LPAR1: variants seen among roughly 807,000 people sequenced by gnomAD.
LPAR1 encodes the protein lysophosphatidic acid receptor 1, also known as LPA receptor 1.
Under a neutral mutation model 23.8 loss-of-function variants are expected in LPAR1, and 5 were observed. The observed-to-expected ratio is 0.21, with a 90% confidence interval of 0.11 to 0.44. The LOEUF (loss-of-function observed/expected upper bound fraction) is 0.44, where lower values mean the gene tolerates loss of function less well. Among genes scored for constraint, LPAR1 ranks in the 20% least tolerant of loss-of-function variants. LPAR1 has a pLI of 0.99. For synonymous variants in LPAR1, 160 were observed against 164.7 expected (o/e 0.97, Z 0.22); for missense variants, 311 against 482.8 (o/e 0.64, Z 3.33).
At position 111,013,424 on chromosome 9, in the gene LPAR1, C is replaced by CTCCTTCCTG. The variant is rs2097373065; in HGVS notation, c.-182+22689_-182+22697dup. Among the ~76,000 whole-genome samples, 3 of 152,170 alleles carry CTCCTTCCTG rather than the reference C, an allele frequency of 2.0e-5. No individual in the cohort carries two copies. In the South Asian group the frequency reaches 6.2e-4, roughly 32 times the overall value. On this transcript the variant is annotated intron_variant, in intron 2 of 5. Transcript: ENST00000683809. ...GTTACCTTAAAAAGAACTTAAGTAACTCCTTCCTGTCCTAATTGCCCATTA... is the reference window on the plus strand; with the variant it reads ...GTTACCTTAAAAAGAACTTAAGTAACTCCTTCCTGTCCTTCCTGTCCTAATTGCCCATTA...
chr9:110,987,819 G>A (rs1014495709), intron 2 of LPAR1, among the ~76,000 whole-genome samples: 3 of 151,962 alleles, frequency 2.0e-5, no homozygotes, highest in Middle Eastern at 6.8e-3. Flanking sequence ...CACGTAACTG[G>A]AGTCCCCAAA....
chr9:110,874,150 A>G lies in LPAR1; in HGVS notation c.*1271T>C, dbSNP rs1276240506. Reference sequence around the variant, plus strand: ...TCCTTCATGGGAATATATCCTAATAATCAATTATATGGAGACAGTTTTATG... The same window carrying G: ...TCCTTCATGGGAATATATCCTAATAGTCAATTATATGGAGACAGTTTTATG... On this transcript the variant is annotated 3_prime_UTR_variant, in exon 6 of 6. Transcript: ENST00000683809. 2 of 152,648 alleles carry G rather than the reference A, an allele frequency of 1.3e-5. No individual in the cohort carries two copies. Among genetic ancestry groups the G allele is most frequent in the Non-Finnish European group, 2.9e-5 (2 of 68,048 alleles). 9.5% of individuals were successfully genotyped at this position (152,648 alleles called of 1,614,324 possible).
At chr9:111,014,272 T>C (rs62570358) in intron 2 of LPAR1, among the ~76,000 whole-genome samples, 18,068 of 152,138 alleles carry the variant, frequency 0.12, 1,135 homozygotes, top group Middle Eastern at 0.14. Flanking sequence ...AAGCTGTCAC[T>C]ATTAATGAAT....
intron 4 of LPAR1, among the ~76,000 whole-genome samples, chr9:110,966,368 A>T (rs1038019534): frequency 2.0e-5 from 3 of 151,932 alleles, no homozygotes; most frequent in African/African-American, 7.2e-5. Flanking sequence ...AGTCCCAGCT[A>T]CTCAGGAGGC....
At chr9:110,964,409 G>A (rs2096122531) in intron 4 of LPAR1, among the ~76,000 whole-genome samples, 1 of 152,306 alleles carries the variant, frequency 6.6e-6, no homozygotes, top group South Asian at 2.1e-4. Context: ...CTTTTGCTAA[G>A]TGTGATGATG....
intron 2 of LPAR1, among the ~76,000 whole-genome samples, chr9:111,011,425 G>A (rs773217856): frequency 6.6e-6 from 1 of 152,148 alleles, no homozygotes; most frequent in Non-Finnish European, 1.5e-5. Context: ...TGGACAGGCA[G>A]TTTGCTAGAA....
chr9:110,900,952 A>G (rs1004982073), intron 5 of LPAR1, among the ~76,000 whole-genome samples: 16 of 152,166 alleles, frequency 1.1e-4, no homozygotes, highest in Non-Finnish European at 4.4e-5. Flanking sequence ...GACAAATTTA[A>G]TTGAATCTAA....
intron 2 of LPAR1, among the ~76,000 whole-genome samples, chr9:111,035,814 G>A (rs1360105979): frequency 6.6e-6 from 1 of 152,140 alleles, no homozygotes; most frequent in Non-Finnish European, 1.5e-5. Flanking sequence ...TGAATACTTG[G>A]AGCTTCCCAG....
At chr9:110,976,454 G>A (rs532111412) in intron 2 of LPAR1, among the ~76,000 whole-genome samples, 40 of 152,216 alleles carry the variant, frequency 2.6e-4, no homozygotes, top group Non-Finnish European at 4.6e-4. Flanking sequence ...GCAGTGAGCC[G>A]AGATTGCACC....
chr9:110,886,546 A>T (rs1023021491), intron 5 of LPAR1, among the ~76,000 whole-genome samples: 8 of 152,096 alleles, frequency 5.3e-5, no homozygotes, highest in African/African-American at 1.9e-4. Flanking sequence ...ATATGTATGC[A>T]TACACATATA....
At chr9:111,031,424 G>GAAAAA (rs2097793048) in intron 2 of LPAR1, among the ~76,000 whole-genome samples, 1 of 144,194 alleles carries the variant, frequency 6.9e-6, no homozygotes, top group African/African-American at 2.6e-5. Flanking sequence ...AAAAAGAAAA[G>GAAAAA]AAAAAGAAAG....
chr9:110,965,706 CAG>C (rs1320878575), intron 4 of LPAR1, among the ~76,000 whole-genome samples: 2 of 152,214 alleles, frequency 1.3e-5, no homozygotes, highest in Middle Eastern at 3.2e-3. Flanking sequence ...TTGTGGAAGA[CAG>C]TGTGGTGATT....
chr9:110,902,888 G>A (rs939908637), intron 5 of LPAR1, among the ~76,000 whole-genome samples: 3 of 152,142 alleles, frequency 2.0e-5, no homozygotes, highest in Admixed American at 6.5e-5. Flanking sequence ...ACCCCTTCAG[G>A]TAGCACCAGC....
At chr9:110,910,703 A>C (rs1356280403) in intron 5 of LPAR1, among the ~76,000 whole-genome samples, 2 of 152,228 alleles carry the variant, frequency 1.3e-5, no homozygotes, top group Non-Finnish European at 2.9e-5. Flanking sequence ...TAGGAGGCCA[A>C]AATATCAACA....
intron 2 of LPAR1, among the ~76,000 whole-genome samples, chr9:111,008,318 C>T (rs2097261325): frequency 6.6e-6 from 1 of 152,168 alleles, no homozygotes; most frequent in Admixed American, 6.5e-5. Flanking sequence ...ACATGTAAAA[C>T]TGCTGTGTGT....
chr9:110,978,517 G>A (rs1055113542), intron 2 of LPAR1, among the ~76,000 whole-genome samples: 3 of 152,118 alleles, frequency 2.0e-5, no homozygotes, highest in Non-Finnish European at 4.4e-5. Flanking sequence ...CAACAATTTA[G>A]ATAAAATGGG....
intron 2 of LPAR1, among the ~76,000 whole-genome samples, chr9:111,003,363 C>T (rs1387869189): frequency 1.3e-5 from 2 of 152,054 alleles, no homozygotes; most frequent in African/African-American, 2.4e-5. Flanking sequence ...CATGCACCCT[C>T]GCATCTCAAG....
At chr9:110,981,727 T>C (rs2096671313) in intron 2 of LPAR1, among the ~76,000 whole-genome samples, 1 of 152,090 alleles carries the variant, frequency 6.6e-6, no homozygotes, top group Admixed American at 6.6e-5. Context: ...TGGAATTTAC[T>C]AGATTAATTA....
chr9:110,902,234 TA>T (rs756013659), intron 5 of LPAR1, among the ~76,000 whole-genome samples: 1 of 152,018 alleles, frequency 6.6e-6, no homozygotes, highest in African/African-American at 2.4e-5. Flanking sequence ...CCAGCGGTAC[TA>T]GCCAGGGAAA....
Sources: allele counts gnomAD v4.1 joint callset (sites outside exome capture counted in the v4.1 genomes callset), GRCh38; gene constraint gnomAD v4.1.1; transcripts MANE v1.5; gene names NCBI Gene and HGNC (gene_info 2026-07-23, HGNC 2026-07-21).